Variants in KLHL3 observed in about 807,000 individuals in gnomAD.
KLHL3 encodes kelch-like protein 3.
KLHL3 carries 19 observed loss-of-function variants against 70.5 expected under a neutral mutation model. The ratio of observed to expected loss-of-function variants is 0.27; its 90% CI spans 0.19 to 0.40. KLHL3 has a LOEUF of 0.40. KLHL3 is among the 10% of genes least tolerant of loss of function. The pLI, the probability that KLHL3 is intolerant of heterozygous loss-of-function variation, is 1.00. For missense variants in KLHL3, 512 were observed against 771.1 expected, an observed-to-expected ratio of 0.66 and a Z score of 3.98; for synonymous variants, 258 against 290.3, an observed-to-expected ratio of 0.89 and a Z score of 1.13.
At chr5:137,732,589 G>A (rs1242727684) in intron 1 of KLHL3, among the ~76,000 whole-genome samples, 1 of 152,044 alleles carries the variant, frequency 6.6e-6, no homozygotes, top group African/African-American at 2.4e-5. Context: ...GGCCTGATAA[G>A]CTCCCTCATT....
chr5:137,730,653 T>G (rs1467776464), intron 1 of KLHL3, among the ~76,000 whole-genome samples: 1 of 152,144 alleles, frequency 6.6e-6, no homozygotes, highest in African/African-American at 2.4e-5. Flanking sequence ...TGTGTAAAAA[T>G]GTAAAACATT....
At chr5:137,668,367 C>T (rs1231206014) in intron 6 of KLHL3, among the ~76,000 whole-genome samples, 1 of 152,156 alleles carries the variant, frequency 6.6e-6, no homozygotes, top group Non-Finnish European at 1.5e-5. Context: ...GCCGAGATTG[C>T]ACCGCTGCAC....
intron 1 of KLHL3, among the ~76,000 whole-genome samples, chr5:137,726,749 G>C (rs1196935239): frequency 6.6e-6 from 1 of 152,020 alleles, no homozygotes; most frequent in East Asian, 1.9e-4. Context: ...GCCCACAGTA[G>C]GTCCTCATGA....
At chr5:137,679,249 C>T (rs1369426834) in intron 5 of KLHL3, among the ~76,000 whole-genome samples, 1 of 152,026 alleles carries the variant, frequency 6.6e-6, no homozygotes, top group Non-Finnish European at 1.5e-5. Flanking sequence ...GACCACAGTC[C>T]CCTGTCAATT....
In KLHL3 at chr5:137,664,130, T is replaced by C. The variant is rs372876206; in HGVS notation, c.637-2099A>G. Among the ~76,000 whole-genome samples the C allele has an allele frequency of 1.1e-4, 17 of 152,022 alleles. No individual in the cohort carries two copies. In the South Asian group the frequency reaches 3.1e-3, roughly 28 times the overall value. On this transcript the variant is annotated intron_variant, in intron 6 of 14. Transcript: ENST00000309755. The stretch of plus-strand genomic sequence containing the variant: ...ATTTTGGGAGGCCAAGGCAGGCAGA[T>C]TGCTTGAGCCCAGGAGTTCAAGACC...
intron 8 of KLHL3, among the ~76,000 whole-genome samples, chr5:137,654,410 C>A (rs1244035107): frequency 1.3e-5 from 2 of 152,118 alleles, no homozygotes; most frequent in African/African-American, 2.4e-5. Flanking sequence ...CTTAACTGGG[C>A]AAATTTCTTA....
chr5:137,733,566 A>G (rs950777309), intron 1 of KLHL3, among the ~76,000 whole-genome samples: 5 of 152,224 alleles, frequency 3.3e-5, no homozygotes, highest in Admixed American at 2.0e-4. Context: ...TCAGTGTCCA[A>G]CTATGAGATA....
chr5:137,732,968 T>G (rs1753204211), intron 1 of KLHL3, among the ~76,000 whole-genome samples: 1 of 152,210 alleles, frequency 6.6e-6, no homozygotes, highest in African/African-American at 2.4e-5. Context: ...ATGCTTTTAA[T>G]TAATAGCCTT....
At chr5:137,625,179 G>A (rs1013475199) in intron 14 of KLHL3, among the ~76,000 whole-genome samples, 3 of 152,254 alleles carry the variant, frequency 2.0e-5, no homozygotes, top group Non-Finnish European at 2.9e-5. Flanking sequence ...GGCCAGCCAC[G>A]CAGTAAAGGA....
chr5:137,675,642 G>A (rs1751867246), intron 6 of KLHL3, among the ~76,000 whole-genome samples: 1 of 152,172 alleles, frequency 6.6e-6, no homozygotes, highest in Admixed American at 6.5e-5. Flanking sequence ...CAGAGCCCAA[G>A]TGGTTTCCAG....
At chr5:137,726,210 A>C (rs10070533) in intron 1 of KLHL3, among the ~76,000 whole-genome samples, 1 of 152,130 alleles carries the variant, frequency 6.6e-6, no homozygotes, top group Non-Finnish European at 1.5e-5. Flanking sequence ...CATTTGTTCT[A>C]TATGTTGAGG....
rs75424001 is a variant in KLHL3, at chr5:137,735,423, C to A, written c.14+210G>T. Among the ~76,000 whole-genome samples the A allele has an allele frequency of 5.3e-5, 8 of 152,310 alleles. No individual in the cohort carries two copies. In the East Asian group the frequency reaches 1.5e-3, roughly 29 times the overall value. On this transcript the variant is annotated intron_variant, in intron 1 of 14. Transcript: ENST00000309755. ...CCTAGCAAACCCAGACCTGCCTTTG[C>A]GGAAGCCAGATCTCTGGAGATTCAA... is the stretch of plus-strand genomic sequence containing the variant.
At position 137,663,306 on chromosome 5, in the gene KLHL3, C is replaced by A. The variant is rs573811152; in HGVS notation, c.637-1275G>T. On this transcript the variant is annotated intron_variant, in intron 6 of 14. Transcript: ENST00000309755. Reference sequence around the variant, plus strand: ...TCCTGACCTCAAGTGATCCGCCTGCCTTAGCCTCCCAAAGTGCTGGGATTA... The same window carrying A: ...TCCTGACCTCAAGTGATCCGCCTGCATTAGCCTCCCAAAGTGCTGGGATTA... 1.1e-3 allele frequency among the ~76,000 whole-genome samples: 171 copies of A among 151,870 alleles called. 1 individual carries two copies. The highest frequency in any genetic ancestry group is 4.0e-3 in the African/African-American group (167 of 41,474).
At chr5:137,625,167 G>A (rs964136936) in intron 14 of KLHL3, among the ~76,000 whole-genome samples, 3 of 152,238 alleles carry the variant, frequency 2.0e-5, no homozygotes, top group African/African-American at 7.2e-5. Context: ...CCCATGGCAC[G>A]GGGCCAGCCA....
intron 3 of KLHL3, among the ~76,000 whole-genome samples, chr5:137,705,014 C>G (rs922556459): frequency 6.6e-6 from 1 of 152,178 alleles, no homozygotes; most frequent in Non-Finnish European, 1.5e-5. Context: ...ATCCCTTTTT[C>G]TCTGAACTAT....
chr5:137,692,269 T>TC lies in KLHL3; in HGVS notation c.526+15dup, dbSNP rs1472440383. The TC allele has an allele frequency of 6.2e-7, 1 of 1,606,220 alleles. No homozygotes were observed. The highest frequency in any genetic ancestry group is 8.5e-7 in the Non-Finnish European group (1 of 1,176,416). ...CACAAACTCGGAGGAGGTGCAGCAG[T>TC]CCGGCTCCCCCTTACCTGCGTAGGC... On this transcript the variant is annotated intron_variant, in intron 5 of 14. Transcript: ENST00000309755.
chr5:137,623,073 G>T (rs964270186), intron 14 of KLHL3, among the ~76,000 whole-genome samples: 18 of 152,240 alleles, frequency 1.2e-4, no homozygotes, highest in African/African-American at 4.3e-4. Context: ...AAAGCTGGCA[G>T]AATAGAAAAG....
chr5:137,670,595 T>C (rs941767569), intron 6 of KLHL3, among the ~76,000 whole-genome samples: 4 of 152,040 alleles, frequency 2.6e-5, no homozygotes, highest in Admixed American at 2.6e-4. Flanking sequence ...ACAACTCCTG[T>C]AGTAAAGAAA....
rs372989410 is a variant in KLHL3 at position 137,634,076 on chromosome 5, T to A, written c.1411A>T (p.Ile471Leu). 1.2e-6 allele frequency: 2 copies of A among 1,614,068 alleles called. No homozygotes were observed. The highest frequency in any genetic ancestry group is 2.7e-5 in the African/African-American group (2 of 74,936). ...EQYNPATNEW[I>L]YVADMSTRRS... ...CGGGTGCTCATGTCCGCCACGTATA[T>A]CCATTCATTGGTCGCTGGGTTGTAC... Residue 471 changes from isoleucine to leucine, a missense_variant, in exon 12 of 15, where the codon ATA becomes TTA. Physicochemically the swap from Ile to Leu is conservative, Grantham distance 5. Coordinates refer to ENST00000309755, the MANE Select transcript of KLHL3 (RefSeq NM_017415.3).
Sources: gnomAD v4.1 joint callset for allele counts (sites outside exome capture counted in the v4.1 genomes callset) on GRCh38, gnomAD v4.1.1 for gene constraint, MANE v1.5 for transcripts, NCBI Gene and HGNC (gene_info 2026-07-23, HGNC 2026-07-21) for gene names.